The following MCC variants were observed in gnomAD, a reference collection of about 807,000 sequenced individuals.
MCC encodes the protein MCC regulator of Wnt signaling pathway.
In MCC, 90 loss-of-function variants were observed where a neutral mutation model predicts 116.2. The observed-to-expected ratio is 0.77, with a 90% CI of 0.65 to 0.92. The LOEUF (loss-of-function observed/expected upper bound fraction) is 0.92, where lower values mean the gene tolerates loss of function less well. Ranked by LOEUF, MCC falls within the 40% of genes least tolerant of loss-of-function variation. The probability of loss-of-function intolerance (pLI) is 0.00; values close to 1 mark genes in which losing one functional copy is unlikely to be tolerated. For missense variants in MCC, 1,516 were observed against 1,312.2 expected (o/e 1.16, Z -2.40); for synonymous variants, 578 against 510.5 (o/e 1.13, Z -1.78).
intron 1 of MCC, among the ~76,000 whole-genome samples, chr5:113,444,289 C>A (rs1484375672): frequency 5.9e-5 from 9 of 151,986 alleles, no homozygotes; most frequent in African/African-American, 2.4e-5. Flanking sequence ...TGAGGGCCTG[C>A]AAAAAGTTTT....
At chr5:113,466,686 T>C (rs1771919460) in intron 1 of MCC, among the ~76,000 whole-genome samples, 1 of 152,192 alleles carries the variant, frequency 6.6e-6, no homozygotes, top group African/African-American at 2.4e-5. Context: ...TATAATCCTT[T>C]GGGTATATAC....
chr5:113,415,512 T>C (rs1770119522), intron 1 of MCC, among the ~76,000 whole-genome samples: 1 of 152,228 alleles, frequency 6.6e-6, no homozygotes, highest in Non-Finnish European at 1.5e-5. Flanking sequence ...TTTATTTCAT[T>C]AATTTGATCT....
rs1209658872 is a variant in MCC at position 113,488,327 on chromosome 5, C to T, written c.88G>A (p.Asp30Asn). Residue 30 changes from aspartate (D) to asparagine (N), a missense_variant, in exon 1 of 19, where the codon GAC becomes AAC. Physicochemically the swap from Asp to Asn is conservative, Grantham distance 23. Transcript: ENST00000408903. ...TCCTCCTCGCCGGTGCTGGACGTGT[C>T]GCTGCTGCTGCTGCTGCTGCCGCTG... is the stretch of plus-strand genomic sequence containing the variant. ...GGSGSSSSSS[D>N]TSSTGEEERM... 2 of 1,519,358 alleles carry T rather than the reference C, an allele frequency of 1.3e-6. No individual in the cohort carries two copies. Among genetic ancestry groups the T allele is most frequent in the Non-Finnish European group, 1.8e-6 (2 of 1,132,910 alleles). 94.1% of individuals were successfully genotyped at this position (1,519,358 alleles called of 1,614,324 possible). A position where few individuals can be genotyped will look rare whatever the true frequency, so the allele number is the denominator to read the frequency against.
chr5:113,101,551 T>A (rs1051302222), intron 8 of MCC, 188 bp downstream of exon 8: 22 of 580,902 alleles, frequency 3.8e-5, no homozygotes, highest in East Asian at 1.1e-4. Flanking sequence ...TTTTTTTTTT[T>A]AAATCTTACC....
intron 1 of MCC, among the ~76,000 whole-genome samples, chr5:113,485,007 C>G (rs1309724817): frequency 6.6e-6 from 1 of 152,186 alleles, no homozygotes; most frequent in Non-Finnish European, 1.5e-5. Context: ...TCATAGCTTT[C>G]TGTTCTACCT....
At chr5:113,386,413 T>C (rs572089413) in intron 1 of MCC, among the ~76,000 whole-genome samples, 12 of 152,222 alleles carry the variant, frequency 7.9e-5, no homozygotes, top group Admixed American at 5.9e-4. Context: ...ATTTTTAATA[T>C]CTTCTCATTC....
chr5:113,227,165 T>C (rs1296203224), intron 3 of MCC, among the ~76,000 whole-genome samples: 1 of 152,216 alleles, frequency 6.6e-6, no homozygotes, highest in Admixed American at 6.5e-5. Context: ...AAGCCTTAAA[T>C]GGTTAACAAA....
chr5:113,046,440 C>T (rs4073358), intron 16 of MCC, among the ~76,000 whole-genome samples: 75,847 of 151,850 alleles, frequency 0.5, 19,263 homozygotes, highest in East Asian at 0.63. Context: ...GATCCACCCG[C>T]CTCGGGTTCC....
intron 3 of MCC, among the ~76,000 whole-genome samples, chr5:113,241,573 G>A (rs1376538347): frequency 6.6e-6 from 1 of 152,156 alleles, no homozygotes; most frequent in Admixed American, 6.5e-5. Flanking sequence ...GGACCTCCAG[G>A]TCTCTGCCTT....
intron 3 of MCC, among the ~76,000 whole-genome samples, chr5:113,277,878 T>A (rs1479172704): frequency 1.3e-5 from 2 of 152,202 alleles, no homozygotes; most frequent in African/African-American, 2.4e-5. Flanking sequence ...TCCTGACCTG[T>A]CTCTGAGCCT....
intron 8 of MCC, among the ~76,000 whole-genome samples, chr5:113,100,463 CCTT>C (rs2150253934): frequency 1.2e-5 from 1 of 83,644 alleles, no homozygotes; most frequent in South Asian, 4.1e-4. Flanking sequence ...TGTATTTTTC[CCTT>C]TTTTTTTTTT....
intron 3 of MCC, among the ~76,000 whole-genome samples, chr5:113,167,211 A>T (rs1176299771): frequency 6.6e-6 from 1 of 152,230 alleles, no homozygotes; most frequent in Non-Finnish European, 1.5e-5. Flanking sequence ...TTCATGTGGC[A>T]AAGAAAAACA....
At position 113,151,505 on chromosome 5, in the gene MCC, A is replaced by C. The variant is rs1159643519; in HGVS notation, c.628-83T>G. 2.2e-5 allele frequency: 16 copies of C among 718,866 alleles called. No homozygotes were observed. In the South Asian group the frequency reaches 2.9e-4, roughly 13 times the overall value. 44.5% of individuals were successfully genotyped at this position (718,866 alleles called of 1,614,324 possible). The stretch of plus-strand genomic sequence containing the variant: ...TTCATTCCCGCAACTAGTATAACCA[A>C]ATAAAAAGCCTATCATCCAAAAAGC... On this transcript the variant is annotated intron_variant, in intron 3 of 18. Coordinates refer to ENST00000408903, the MANE Select transcript of MCC (RefSeq NM_001085377.2).
intron 3 of MCC, among the ~76,000 whole-genome samples, chr5:113,176,794 G>A (rs945526575): frequency 3.9e-5 from 6 of 151,944 alleles, no homozygotes; most frequent in African/African-American, 1.2e-4. Flanking sequence ...CCCTCTTATC[G>A]ATTTCTGTTG....
chr5:113,415,833 T>C (rs1336393344), intron 1 of MCC, among the ~76,000 whole-genome samples: 3 of 152,182 alleles, frequency 2.0e-5, no homozygotes, highest in South Asian at 4.1e-4. Context: ...CTGTGATCCT[T>C]TGGAGGAGAA....
intron 3 of MCC, among the ~76,000 whole-genome samples, chr5:113,185,683 C>A (rs186814127): frequency 6.6e-6 from 1 of 152,204 alleles, no homozygotes; most frequent in South Asian, 2.1e-4. Context: ...AAACTTCAAC[C>A]TCTCTTGAGT....
At chr5:113,088,643 T>C (rs375760015) in intron 8 of MCC, among the ~76,000 whole-genome samples, 2 of 151,794 alleles carry the variant, frequency 1.3e-5, no homozygotes, top group African/African-American at 2.4e-5. Context: ...AAAGCAGAGA[T>C]TGGACACAAG....
At chr5:113,389,321 G>C (rs560694380) in intron 1 of MCC, among the ~76,000 whole-genome samples, 8 of 152,276 alleles carry the variant, frequency 5.3e-5, no homozygotes, top group African/African-American at 1.9e-4. Flanking sequence ...TCAATAGGTG[G>C]AGGCTATTTC....
chr5:113,063,603 G>C (rs955957712), intron 14 of MCC, among the ~76,000 whole-genome samples: 1 of 152,198 alleles, frequency 6.6e-6, no homozygotes, highest in African/African-American at 2.4e-5. Context: ...GGACCAGAGG[G>C]ACCATTTGGA....
Sources: gnomAD v4.1 joint callset for allele counts (sites outside exome capture counted in the v4.1 genomes callset) on GRCh38, gnomAD v4.1.1 for gene constraint, MANE v1.5 for transcripts, NCBI Gene and HGNC (gene_info 2026-07-23, HGNC 2026-07-21) for gene names.